The following LRCH1 variants were observed in gnomAD, a reference collection of about 807,000 sequenced individuals.
LRCH1 encodes the protein leucine-rich repeat and calponin homology domain-containing protein 1.
LRCH1 carries 23 observed loss-of-function variants against 94.9 expected under a neutral mutation model. That is an observed-to-expected ratio of 0.24 (90% CI 0.17 to 0.34). LRCH1 has a LOEUF of 0.34. Ranked by LOEUF, LRCH1 falls within the 10% of genes least tolerant of loss-of-function variation. LRCH1 has a pLI of 1.00. For synonymous variants in LRCH1, 364 were observed against 354.9 expected, an observed-to-expected ratio of 1.03 and a Z score of -0.29; for missense variants, 790 against 945.9, an observed-to-expected ratio of 0.84 and a Z score of 2.16.
intron 3 of LRCH1, among the ~76,000 whole-genome samples, chr13:46,680,891 T>C (rs1214105419): frequency 1.3e-5 from 2 of 152,160 alleles, no homozygotes; most frequent in East Asian, 3.9e-4. Context: ...CAGGAGATCA[T>C]GATAGCACCC....
intron 2 of LRCH1, among the ~76,000 whole-genome samples, chr13:46,650,807 G>A (rs1047114412): frequency 6.7e-6 from 1 of 149,598 alleles, no homozygotes; most frequent in Non-Finnish European, 1.5e-5. Flanking sequence ...AGTACTAATT[G>A]AGCCCATTCA....
chr13:46,617,576 C>T (rs981546646), intron 1 of LRCH1, among the ~76,000 whole-genome samples: 12 of 152,148 alleles, frequency 7.9e-5, no homozygotes, highest in African/African-American at 1.9e-4. Flanking sequence ...CGCAGGGGCT[C>T]GTCTCAACTG....
rs754934511 is a variant in LRCH1, at chr13:46,553,672, C to T, written c.276C>T (p.Pro92=). 9 of 1,609,884 alleles carry T rather than the reference C, an allele frequency of 5.6e-6. No homozygotes were observed. The highest frequency in any genetic ancestry group is 3.6e-4 in the Middle Eastern group (2 of 5,500). Residue 92 remains proline (P), a synonymous_variant, in exon 1 of 20, where the codon CCC becomes CCT. Coordinates refer to ENST00000389797, the MANE Select transcript of LRCH1 (RefSeq NM_001164211.2). ...AGGAATTTCCCCGTACCGCAGCCCC[C>T]GGGCACGACCTCTCGGACACGGTGC... is the stretch of plus-strand genomic sequence containing the variant. ...KLKEFPRTAA[P]GHDLSDTVQA... is the part of the protein sequence containing the mutation.
intron 1 of LRCH1, among the ~76,000 whole-genome samples, chr13:46,647,664 A>G (rs745793298): frequency 1.3e-5 from 2 of 152,180 alleles, no homozygotes; most frequent in African/African-American, 2.4e-5. Context: ...TATTCATACA[A>G]AGCCTTCCCC....
At chr13:46,592,023 T>A (rs1221567553) in intron 1 of LRCH1, among the ~76,000 whole-genome samples, 1 of 152,232 alleles carries the variant, frequency 6.6e-6, no homozygotes, top group African/African-American at 2.4e-5. Context: ...TTTAAAACTG[T>A]CAGCATAGGC....
chr13:46,687,459 C>T (rs890141055), intron 5 of LRCH1, among the ~76,000 whole-genome samples: 15 of 152,168 alleles, frequency 9.9e-5, no homozygotes, highest in African/African-American at 3.6e-4. Context: ...CTTCTTAAAT[C>T]TACAATTATT....
At chr13:46,577,075 G>A (rs2050312599) in intron 1 of LRCH1, among the ~76,000 whole-genome samples, 3 of 152,098 alleles carry the variant, frequency 2.0e-5, no homozygotes, top group Admixed American at 2.0e-4. Context: ...ACTTGAGGGT[G>A]GGCCCCAGTC....
intron 17 of LRCH1, among the ~76,000 whole-genome samples, chr13:46,725,163 G>A (rs372643427): frequency 5.9e-5 from 9 of 152,194 alleles, no homozygotes; most frequent in African/African-American, 1.4e-4. Context: ...GGGTATACAC[G>A]GACACAAAGA....
intron 1 of LRCH1, among the ~76,000 whole-genome samples, chr13:46,580,465 G>A (rs2050352565): frequency 1.3e-5 from 2 of 152,164 alleles, no homozygotes; most frequent in African/African-American, 4.8e-5. Flanking sequence ...CCTAACCCAT[G>A]TTTTCTTGTA....
intron 1 of LRCH1, among the ~76,000 whole-genome samples, chr13:46,603,568 C>T (rs17068454): frequency 0.13 from 20,407 of 152,114 alleles, 1,687 homozygotes; most frequent in East Asian, 0.32. Context: ...CCTAGGTAAC[C>T]GAGTCAATAG....
At chr13:46,569,711 C>G (rs902744386) in intron 1 of LRCH1, among the ~76,000 whole-genome samples, 1 of 152,140 alleles carries the variant, frequency 6.6e-6, no homozygotes, top group Admixed American at 6.5e-5. Flanking sequence ...TCCTCTAGCT[C>G]CCCTCAAGGG....
intron 1 of LRCH1, among the ~76,000 whole-genome samples, chr13:46,564,531 C>T (rs2050162020): frequency 6.6e-6 from 1 of 152,198 alleles, no homozygotes; most frequent in Admixed American, 6.5e-5. Context: ...CTCCCAGGTC[C>T]CTTGATCAGG....
chr13:46,720,973 T>C (rs1237398657), intron 16 of LRCH1, among the ~76,000 whole-genome samples: 1 of 152,208 alleles, frequency 6.6e-6, no homozygotes, highest in Non-Finnish European at 1.5e-5. Flanking sequence ...TTTTAAAAAA[T>C]ACAGTTCAAT....
At chr13:46,653,935 A>G (rs1180403673) in intron 2 of LRCH1, among the ~76,000 whole-genome samples, 1 of 152,170 alleles carries the variant, frequency 6.6e-6, no homozygotes, top group Non-Finnish European at 1.5e-5. Flanking sequence ...TTTAATTCCT[A>G]TTTGATTACT....
rs752873056 is a variant in LRCH1 at position 46,681,813 on chromosome 13, G to A, written c.652G>A (p.Val218Ile). The A allele has an allele frequency of 8.7e-6, 14 of 1,613,240 alleles. No individual in the cohort carries two copies. The highest frequency in any genetic ancestry group is 6.7e-5 in the African/African-American group (5 of 74,876). ...GTTGAAATCTCTACGAGAACTGAATGTCAGAAGAAATTACCTTAAAGTTTT... is the reference window on the plus strand; with the variant it reads ...GTTGAAATCTCTACGAGAACTGAATATCAGAAGAAATTACCTTAAAGTTTT... Reference protein sequence around the residue: ...GQLKSLRELNVRRNYLKVLPQ... With the variant: ...GQLKSLRELNIRRNYLKVLPQ... The change falls in exon 4 of 20, where the codon GTC becomes ATC. Residue 218 changes from valine to isoleucine, a missense_variant. Val to Ile is a conservative substitution (Grantham distance 29). Around this residue, in one of 3 missense-constraint regions of LRCH1, gnomAD observed 194 missense variants for 293.5 expected, o/e 0.66. Transcript: ENST00000389797.
rs190295858 is a variant in LRCH1 at position 46,605,693 on chromosome 13, C to T, written c.308-44508C>T. Reference sequence around the variant, plus strand: ...GATAGGGAGAAGTTGGGTATTTCTTCATGAGATAAATTCCTTAAGGAGAGA... The same window carrying T: ...GATAGGGAGAAGTTGGGTATTTCTTTATGAGATAAATTCCTTAAGGAGAGA... On this transcript the variant is annotated intron_variant, in intron 1 of 19. Coordinates refer to ENST00000389797, the MANE Select transcript of LRCH1 (RefSeq NM_001164211.2). 2.1e-3 allele frequency among the ~76,000 whole-genome samples: 314 copies of T among 152,288 alleles called. 1 individual carries two copies. Among genetic ancestry groups the T allele is most frequent in the African/African-American group, 7.2e-3 (298 of 41,562 alleles).
chr13:46,745,150 T>G (rs912369191), downstream of LRCH1, among the ~76,000 whole-genome samples: 2 of 152,208 alleles, frequency 1.3e-5, no homozygotes, highest in East Asian at 1.9e-4. Context: ...TCTTGGGCCA[T>G]GCAGATTCTG....
chr13:46,607,612 TTC>T (rs951597117), intron 1 of LRCH1, among the ~76,000 whole-genome samples: 15 of 152,020 alleles, frequency 9.9e-5, no homozygotes, highest in African/African-American at 3.1e-4. Context: ...CTCCTTCTCC[TTC>T]TCTTTCTCCC....
intron 19 of LRCH1, among the ~76,000 whole-genome samples, chr13:46,737,319 C>G (rs1042594950): frequency 3.9e-5 from 6 of 152,138 alleles, no homozygotes; most frequent in African/African-American, 1.4e-4. Context: ...AAGCTGGTCT[C>G]GAACTCCTAG....
Sources: allele counts gnomAD v4.1 joint callset (sites outside exome capture counted in the v4.1 genomes callset), GRCh38; gene constraint gnomAD v4.1.1; regional missense constraint gnomAD v4.1.1; transcripts MANE v1.5; gene names NCBI Gene and HGNC (gene_info 2026-07-23, HGNC 2026-07-21).